Variants in TBC1D32 observed in about 807,000 individuals in gnomAD.
The protein encoded by TBC1D32 is protein broad-minded.
Under a neutral mutation model 170.3 loss-of-function variants are expected in TBC1D32, and 151 were observed. The ratio of observed to expected loss-of-function variants is 0.89; its 90% CI spans 0.78 to 1.01. The LOEUF is 1.01. Ranked by LOEUF, TBC1D32 falls within the 50% of genes least tolerant of loss-of-function variation. The pLI, the probability that TBC1D32 is intolerant of heterozygous loss-of-function variation, is 0.00. For missense variants in TBC1D32, 1,464 were observed against 1,457.1 expected, an observed-to-expected ratio of 1.00 and a Z score of -0.08; for synonymous variants, 498 against 488.0, an observed-to-expected ratio of 1.02 and a Z score of -0.27.
At chr6:121,161,238 G>C (rs1021879855) in intron 22 of TBC1D32, among the ~76,000 whole-genome samples, 182 bp from the exon 23 acceptor site, 3 of 152,114 alleles carry the variant, frequency 2.0e-5, no homozygotes, top group Non-Finnish European at 2.9e-5. Flanking sequence ...AGGATGTGCA[G>C]GTTTGTTACA....
intron 27 of TBC1D32, among the ~76,000 whole-genome samples, chr6:121,114,424 T>C (rs1488845186): frequency 6.6e-6 from 1 of 152,084 alleles, no homozygotes; most frequent in African/African-American, 2.4e-5. Context: ...CATTTCAGAA[T>C]AGCAATAGGG....
chr6:121,240,844 C>T (rs1048050664), intron 19 of TBC1D32, among the ~76,000 whole-genome samples: 2 of 133,352 alleles, frequency 1.5e-5, no homozygotes, highest in Non-Finnish European at 3.1e-5. Context: ...CATTGTACTC[C>T]AGCCTGGGCG....
chr6:121,127,293 G>A (rs932447146), intron 25 of TBC1D32, among the ~76,000 whole-genome samples: 2 of 152,090 alleles, frequency 1.3e-5, no homozygotes, highest in African/African-American at 2.4e-5. Flanking sequence ...TGTTCAACAG[G>A]TGAAAAGTCC....
intron 26 of TBC1D32, among the ~76,000 whole-genome samples, chr6:121,117,676 T>G (rs1020785991): frequency 5.9e-5 from 9 of 152,086 alleles, no homozygotes; most frequent in Non-Finnish European, 1.2e-4. Context: ...AACTCCAGCC[T>G]GCGTGACAGA....
intron 5 of TBC1D32, 52 bp from the exon 6 acceptor site, chr6:121,304,885 A>G (rs1330740137): frequency 8.3e-7 from 1 of 1,201,788 alleles, no homozygotes; most frequent in Non-Finnish European, 1.2e-6. Context: ...AGAATAGAAT[A>G]GAGATGAAAC....
rs201232490 is a variant in TBC1D32 at position 121,117,684 on chromosome 6, AGAGT to A, written c.2984-2447_2984-2444del. On this transcript the variant is annotated intron_variant, in intron 26 of 31. Coordinates refer to ENST00000398212, the MANE Select transcript of TBC1D32 (RefSeq NM_152730.6). ...GCCACTGAACTCCAGCCTGCGTGAC[AGAGT>A]GAGAGTCCATCTCAAAAAAACAAAA... 9.8e-3 allele frequency among the ~76,000 whole-genome samples: 1,498 copies of A among 152,250 alleles called. 19 individuals carry two copies. The highest frequency in any genetic ancestry group is 0.034 in the African/African-American group (1,406 of 41,548).
chr6:121,122,441 T>G (rs1378349465), intron 26 of TBC1D32, among the ~76,000 whole-genome samples: 1 of 151,860 alleles, frequency 6.6e-6, no homozygotes, highest in African/African-American at 2.4e-5. Context: ...CACCACCAAT[T>G]CCTCTCCTTT....
At chr6:121,284,401 A>T (rs1390950138) in intron 12 of TBC1D32, among the ~76,000 whole-genome samples, 1 of 152,160 alleles carries the variant, frequency 6.6e-6, no homozygotes, top group Non-Finnish European at 1.5e-5. Flanking sequence ...CACTAAGTAT[A>T]TGTAGATGAT....
chr6:121,207,566 G>A (rs59243538), intron 21 of TBC1D32, among the ~76,000 whole-genome samples: 2,729 of 152,158 alleles, frequency 0.018, 83 homozygotes, highest in African/African-American at 0.062. Context: ...AAACTCCTGG[G>A]AAGCCTCATG....
intron 3 of TBC1D32, among the ~76,000 whole-genome samples, chr6:121,311,897 A>G (rs1808270069): frequency 6.6e-6 from 1 of 152,146 alleles, no homozygotes; most frequent in Admixed American, 6.6e-5. Flanking sequence ...CAGCAATCCC[A>G]TGCACACGTA....
At position 121,080,617 on chromosome 6, in the gene TBC1D32, GC is replaced by G; in HGVS notation, c.*153del. On this transcript the variant is annotated 3_prime_UTR_variant, in exon 32 of 32. Transcript: ENST00000398212. ...TTACAAAAATGAATTCACAAATTGAGCTCATACCTACTTAAATATATCGTTA... is the reference window on the plus strand; with the variant it reads ...TTACAAAAATGAATTCACAAATTGAGTCATACCTACTTAAATATATCGTTA... The G allele has an allele frequency of 1.1e-6, 1 of 911,082 alleles. No homozygotes were observed. The highest frequency in any genetic ancestry group is 1.6e-6 in the Non-Finnish European group (1 of 640,056). The allele number at this position is 911,082 out of a possible 1,614,324, so 56.4% of individuals were successfully genotyped here. A position where few individuals can be genotyped will look rare whatever the true frequency, so the allele number is the denominator to read the frequency against.
At chr6:121,202,617 G>A (rs1791732994) in intron 22 of TBC1D32, among the ~76,000 whole-genome samples, 1 of 151,230 alleles carries the variant, frequency 6.6e-6, no homozygotes, top group South Asian at 2.1e-4. Flanking sequence ...GGAGACACAA[G>A]GTCAAGGATA....
chr6:121,170,704 G>A (rs1422792518), intron 22 of TBC1D32, among the ~76,000 whole-genome samples: 1 of 151,894 alleles, frequency 6.6e-6, no homozygotes, highest in Non-Finnish European at 1.5e-5. Flanking sequence ...CTCTTCAAAA[G>A]TTGTTCTGAG....
chr6:121,239,384 TC>T (rs1348924031), intron 19 of TBC1D32, among the ~76,000 whole-genome samples, 196 bp from the exon 20 acceptor site: 1 of 152,148 alleles, frequency 6.6e-6, no homozygotes, highest in Non-Finnish European at 1.5e-5. Flanking sequence ...TACTTCATTA[TC>T]ATAAAACTCT....
chr6:121,299,569 C>T, intron 9 of TBC1D32, 64 bp from the exon 10 acceptor site: 1 of 1,407,678 alleles, frequency 7.1e-7, no homozygotes, highest in South Asian at 1.3e-5. Context: ...ATTTTTCCTG[C>T]ATGATTTCTA....
intron 12 of TBC1D32, among the ~76,000 whole-genome samples, chr6:121,285,370 A>C (rs1803641905): frequency 6.6e-6 from 1 of 152,210 alleles, no homozygotes; most frequent in African/African-American, 2.4e-5. Context: ...ACATTTAATT[A>C]TTTCAGCAGC....
At chr6:121,123,400 T>C (rs751642958) in intron 26 of TBC1D32, among the ~76,000 whole-genome samples, 8 of 152,106 alleles carry the variant, frequency 5.3e-5, no homozygotes, top group Non-Finnish European at 1.2e-4. Context: ...ATTTGTTTTA[T>C]GAATCTGGGT....
At chr6:121,198,606 C>T (rs1791135784) in intron 22 of TBC1D32, among the ~76,000 whole-genome samples, 1 of 150,734 alleles carries the variant, frequency 6.6e-6, no homozygotes, top group Admixed American at 6.6e-5. Context: ...AAAAAATTAG[C>T]CAGGCATGGT....
intron 22 of TBC1D32, among the ~76,000 whole-genome samples, chr6:121,173,328 G>A (rs1316525229): frequency 6.6e-6 from 1 of 152,110 alleles, no homozygotes; most frequent in African/African-American, 2.4e-5. Context: ...CTTCCTTGAA[G>A]ATGGCCTATT....
Sources: allele counts gnomAD v4.1 joint callset (sites outside exome capture counted in the v4.1 genomes callset), GRCh38; gene constraint gnomAD v4.1.1; transcripts MANE v1.5; gene names NCBI Gene and HGNC (gene_info 2026-07-23, HGNC 2026-07-21).